The following LGSN variants were observed in gnomAD, a reference collection of about 807,000 sequenced individuals.
The protein encoded by LGSN is lengsin, lens protein with glutamine synthetase domain.
Under a neutral mutation model 19.5 loss-of-function variants are expected in LGSN, and 21 were observed. The observed-to-expected ratio is 1.07, with a 90% confidence interval of 0.76 to 1.55. The LOEUF is 1.55. Ranked by LOEUF, LGSN falls within the 40% of genes most tolerant of loss-of-function variation. The pLI is 0.00. For synonymous variants in LGSN, 257 were observed against 215.6 expected (o/e 1.19, Z -1.68); for missense variants, 673 against 608.5 (o/e 1.11, Z -1.12).
intron 3 of LGSN, among the ~76,000 whole-genome samples, chr6:63,282,059 C>T (rs1767343475): frequency 6.6e-6 from 1 of 152,182 alleles, no homozygotes; most frequent in South Asian, 2.1e-4. Context: ...TAGATGACTG[C>T]TAAGGTACTT....
chr6:63,535,500 C>A, the LGSN span, among the ~76,000 whole-genome samples: 28 of 152,196 alleles, frequency 1.8e-4, no homozygotes, highest in South Asian at 1.0e-3. Flanking sequence ...TATGCATTTC[C>A]CTCCTTAATT....
chr6:63,370,389 A>G, the LGSN span, among the ~76,000 whole-genome samples: 1 of 152,236 alleles, frequency 6.6e-6, no homozygotes, highest in Non-Finnish European at 1.5e-5. Context: ...ACCTACTCAG[A>G]AGGACTTATA....
At chr6:63,386,660 T>C in the LGSN span, among the ~76,000 whole-genome samples, 1 of 152,132 alleles carries the variant, frequency 6.6e-6, no homozygotes, top group African/African-American at 2.4e-5. Flanking sequence ...GACTATACAC[T>C]CAACATTGAA....
chr6:63,308,068 C>T (rs891440816), intron 1 of LGSN, among the ~76,000 whole-genome samples: 1 of 152,176 alleles, frequency 6.6e-6, no homozygotes, highest in South Asian at 2.1e-4. Flanking sequence ...GTAAACCAGG[C>T]TGGAAGAATC....
At chr6:63,431,452 A>G in the LGSN span, among the ~76,000 whole-genome samples, 3 of 152,200 alleles carry the variant, frequency 2.0e-5, no homozygotes, top group African/African-American at 7.2e-5. Flanking sequence ...TTTCCCATTG[A>G]AGAAACAAAT....
the LGSN span, among the ~76,000 whole-genome samples, chr6:63,355,016 AAAAG>A: frequency 6.6e-6 from 1 of 152,120 alleles, no homozygotes; most frequent in African/African-American, 2.4e-5. Flanking sequence ...TAGGGGAGGA[AAAAG>A]AAAGAATAGT....
At chr6:63,548,910 G>T in the LGSN span, 2 of 885,550 alleles carry the variant, frequency 2.3e-6, no homozygotes, top group Non-Finnish European at 3.8e-6. Flanking sequence ...GGCGACAGTG[G>T]TGCAGGTCTT....
At chr6:63,456,958 C>G in the LGSN span, among the ~76,000 whole-genome samples, 1 of 152,198 alleles carries the variant, frequency 6.6e-6, no homozygotes, top group Admixed American at 6.5e-5. Flanking sequence ...AACCTCTACC[C>G]ATTTCATTGT....
the LGSN span, among the ~76,000 whole-genome samples, chr6:63,486,018 CCA>C: frequency 6.6e-6 from 1 of 152,082 alleles, no homozygotes; most frequent in East Asian, 1.9e-4. Flanking sequence ...GTGTGAGCCA[CCA>C]CACCCGGCTG....
In LGSN at chr6:63,319,919, G is replaced by C; in HGVS notation, c.25C>G (p.Gln9Glu). The change falls in exon 1 of 4, where the codon CAG becomes GAG. Residue 9 changes from glutamine to glutamate, a missense_variant. By Grantham distance (29) the Gln-to-Glu change is conservative. Coordinates refer to ENST00000370657, the MANE Select transcript of LGSN (RefSeq NM_016571.3). MNNEEDLL[Q>E]EDSTRDEGNE... ...TTTAATGATTAGCTTCATACCTCCT[G>C]CAGAAGGTCCTCTTCATTATTCATC... 6.2e-7 allele frequency: 1 copy of C among 1,609,002 alleles called. No individual in the cohort carries two copies. The highest frequency in any genetic ancestry group is 8.5e-7 in the Non-Finnish European group (1 of 1,175,638).
the LGSN span, among the ~76,000 whole-genome samples, chr6:63,415,922 G>A: frequency 6.6e-6 from 1 of 151,978 alleles, no homozygotes; most frequent in Non-Finnish European, 1.5e-5. Flanking sequence ...TCAAATACAT[G>A]GAGAATGCAT....
chr6:63,412,771 G>GAGAGAGAAA, the LGSN span, among the ~76,000 whole-genome samples: 1 of 34,268 alleles, frequency 2.9e-5, no homozygotes, highest in Non-Finnish European at 5.2e-5. Context: ...AAGAAAGAAA[G>GAGAGAGAAA]GAAGGAAGGG....
chr6:63,386,214 C>A, the LGSN span, among the ~76,000 whole-genome samples: 1 of 151,970 alleles, frequency 6.6e-6, no homozygotes, highest in Non-Finnish European at 1.5e-5. Flanking sequence ...AGAGAGGGAC[C>A]CCTTTGTGAA....
the LGSN span, among the ~76,000 whole-genome samples, chr6:63,407,769 T>C: frequency 1.3e-5 from 2 of 152,122 alleles, no homozygotes; most frequent in Admixed American, 1.3e-4. Context: ...TGATTGTATA[T>C]CTAGAAAACC....
At chr6:63,570,917 A>T in the LGSN span, 1 of 152,146 alleles carries the variant, frequency 6.6e-6, no homozygotes, top group Non-Finnish European at 1.5e-5. Flanking sequence ...TTTTTTCGAC[A>T]TGAGTTCCCC....
the LGSN span, among the ~76,000 whole-genome samples, chr6:63,425,105 G>A: frequency 0.47 from 72,025 of 151,926 alleles, 18,338 homozygotes; most frequent in Non-Finnish European, 0.54. Context: ...TGGCTACAAT[G>A]AAAAATGGTG....
At chr6:63,403,946 TTCTCTCTCTC>T in the LGSN span, among the ~76,000 whole-genome samples, 11 of 148,158 alleles carry the variant, frequency 7.4e-5, no homozygotes, top group Non-Finnish European at 1.7e-4. Context: ...GCCTCTCTCT[TTCTCTCTCTC>T]TCTCTCTCTC....
At chr6:63,351,659 T>C in the LGSN span, among the ~76,000 whole-genome samples, 1 of 152,142 alleles carries the variant, frequency 6.6e-6, no homozygotes, top group African/African-American at 2.4e-5. Flanking sequence ...GGTCTTCCTA[T>C]GTTGGCCACT....
the LGSN span, among the ~76,000 whole-genome samples, chr6:63,549,972 T>A: frequency 2.6e-5 from 4 of 152,222 alleles, no homozygotes; most frequent in South Asian, 8.3e-4. Flanking sequence ...GTTCACAACA[T>A]AAAGAAGTGA....
Sources: allele counts gnomAD v4.1 joint callset (sites outside exome capture counted in the v4.1 genomes callset), GRCh38; gene constraint gnomAD v4.1.1; transcripts MANE v1.5; gene names NCBI Gene and HGNC (gene_info 2026-07-23, HGNC 2026-07-21).